FGFBP3: variants seen among roughly 807,000 people sequenced by gnomAD.
The protein encoded by FGFBP3 is fibroblast growth factor binding protein 3.
FGFBP3 carries 4 observed loss-of-function variants against 4.8 expected under a neutral mutation model. The ratio of observed to expected loss-of-function variants is 0.83; its 90% CI spans 0.41 to 1.90. The LOEUF (loss-of-function observed/expected upper bound fraction) is 1.90. Ranked by LOEUF, FGFBP3 falls within the 40% of genes most tolerant of loss-of-function variation. The probability of loss-of-function intolerance (pLI) is 0.03; values close to 1 mark genes in which losing one functional copy is unlikely to be tolerated. For missense variants in FGFBP3, 429 were observed against 397.4 expected (o/e 1.08, Z -0.68); for synonymous variants, 215 against 190.0 (o/e 1.13, Z -1.08).
rs1269655381 is a variant in FGFBP3, at chr10:91,906,607, A to G, written c.*1586T>C. 7 of 152,322 alleles carry G rather than the reference A, an allele frequency of 4.6e-5. No homozygotes were observed. Among genetic ancestry groups the G allele is most frequent in the African/African-American group, 1.7e-4 (7 of 41,556 alleles). The allele number at this position is 152,322 out of a possible 1,614,324, so 9.4% of individuals were successfully genotyped here. A position where few individuals can be genotyped will look rare whatever the true frequency, so the allele number is the denominator to read the frequency against. ...CATATATACACACACACACATTTAT[A>G]TATATAATGGAAAAACATATATATA... On this transcript the variant is annotated 3_prime_UTR_variant, in exon 2 of 2. Transcript: ENST00000311575.
intron 1 of FGFBP3, 92 bp downstream of exon 1, chr10:91,909,306 T>C (rs1202693003): frequency 6.1e-6 from 2 of 327,538 alleles, no homozygotes; most frequent in African/African-American, 4.4e-5. Flanking sequence ...CCTTCCTTCA[T>C]TTTCTCCCTT....
In FGFBP3 at chr10:91,908,063, T is replaced by G. The variant is rs1284723762; in HGVS notation, c.*130A>C. The G allele has an allele frequency of 9.5e-7, 1 of 1,047,944 alleles. No homozygotes were observed. Among genetic ancestry groups the G allele is most frequent in the Non-Finnish European group, 1.3e-6 (1 of 748,900 alleles). The allele number at this position is 1,047,944 out of a possible 1,614,324, so 64.9% of individuals were successfully genotyped here. ...ATCCCAAGCATCTCACCCTTACCCTTGCCCCCACCCCCATTCGAGAACCTG... is the reference window on the plus strand; with the variant it reads ...ATCCCAAGCATCTCACCCTTACCCTGGCCCCCACCCCCATTCGAGAACCTG... On this transcript the variant is annotated 3_prime_UTR_variant, in exon 2 of 2. Coordinates refer to ENST00000311575, the MANE Select transcript of FGFBP3 (RefSeq NM_152429.5).
Position 91,908,878 on chromosome 10 carries a change from C to G in FGFBP3, c.92G>C (p.Gly31Ala). Residue 31 changes from glycine to alanine, a missense_variant, in exon 2 of 2, where the codon GGG becomes GCG. Transcript: ENST00000311575. ...CLLAAARREK[G>A]AASNVAEPVP... is the part of the protein sequence containing the mutation. ...CGGCTCCGCCACGTTGCTAGCCGCC[C>G]CTTTCTCCCTCCGAGCAGCCGCGAG... 1 of 1,586,068 alleles carries G rather than the reference C, an allele frequency of 6.3e-7. No homozygotes were observed. The highest frequency in any genetic ancestry group is 8.5e-7 in the Non-Finnish European group (1 of 1,171,422).
Position 91,908,754 on chromosome 10 carries a change from C to T in FGFBP3, c.216G>A (p.Ala72=), listed in dbSNP as rs995451670. The T allele has an allele frequency of 4.0e-5, 56 of 1,389,586 alleles. No individual in the cohort carries two copies. In the Admixed American group the frequency reaches 1.4e-3, roughly 34 times the overall value. The allele number at this position is 1,389,586 out of a possible 1,614,324, so 86.1% of individuals were successfully genotyped here. A position where few individuals can be genotyped will look rare whatever the true frequency, so the allele number is the denominator to read the frequency against. The part of the protein sequence containing the change: ...QLLLPAPEAA[A]GSELALRCQS... Reference sequence around the variant, plus strand: ...GGCAGCGCAGCGCCAGCTCGCTGCCCGCTGCGGCCTCCGGGGCGGGCAGCA... The same window carrying T: ...GGCAGCGCAGCGCCAGCTCGCTGCCTGCTGCGGCCTCCGGGGCGGGCAGCA... Residue 72 remains alanine (A), a synonymous_variant, in exon 2 of 2, where the codon GCG becomes GCA. Coordinates refer to ENST00000311575, the MANE Select transcript of FGFBP3 (RefSeq NM_152429.5).
Position 91,907,935 on chromosome 10 carries a change from T to C in FGFBP3, c.*258A>G. On this transcript the variant is annotated 3_prime_UTR_variant, in exon 2 of 2. Coordinates refer to ENST00000311575, the MANE Select transcript of FGFBP3 (RefSeq NM_152429.5). ...TTTTTGCACATTTAAAGTACGCCTATTTCTGTTTCCATTATTTTTCCTGCT... is the reference window on the plus strand; with the variant it reads ...TTTTTGCACATTTAAAGTACGCCTACTTCTGTTTCCATTATTTTTCCTGCT... The C allele has an allele frequency of 2.2e-6, 1 of 452,004 alleles. No homozygotes were observed. The allele number at this position is 452,004 out of a possible 1,614,324, so 28.0% of individuals were successfully genotyped here.
rs1843306346 is a variant in FGFBP3, at chr10:91,907,294, T to C, written c.*899A>G. ...GGAATGTCGAGGCCGCAGTGAGCCA[T>C]AATTGCACCACTGCTCCAGTCTGGA... On this transcript the variant is annotated 3_prime_UTR_variant, in exon 2 of 2. Transcript: ENST00000311575. The C allele has an allele frequency of 6.6e-6, 1 of 152,168 alleles. No homozygotes were observed. The highest frequency in any genetic ancestry group is 2.4e-5 in the African/African-American group (1 of 41,414). The allele number at this position is 152,168 out of a possible 1,614,324, so 9.4% of individuals were successfully genotyped here. A position where few individuals can be genotyped will look rare whatever the true frequency, so the allele number is the denominator to read the frequency against.
At chr10:91,909,298 T>C in intron 1 of FGFBP3, 100 bp downstream of exon 1, 1 of 342,862 alleles carries the variant, frequency 2.9e-6, no homozygotes. Flanking sequence ...CCTCTACCCC[T>C]TCCTTCATTT....
In FGFBP3 at chr10:91,908,429, A is replaced by T. The variant is rs1308400163; in HGVS notation, c.541T>A (p.Ser181Thr). 4 of 1,506,652 alleles carry T rather than the reference A, an allele frequency of 2.7e-6. No individual in the cohort carries two copies. The highest frequency in any genetic ancestry group is 5.2e-5 in the Admixed American group (2 of 38,298). 93.3% of individuals were successfully genotyped at this position (1,506,652 alleles called of 1,614,324 possible). A position where few individuals can be genotyped will look rare whatever the true frequency, so the allele number is the denominator to read the frequency against. Residue 181 changes from serine to threonine, a missense_variant, in exon 2 of 2, where the codon TCC (serine) becomes ACC (threonine). Transcript: ENST00000311575. ...RNRGRTRERA[S>T]GPAAGTPPPQ... ...GGCGGGGTCCCAGCGGCTGGGCCGG[A>T]CGCACGCTCCCGGGTCCGCCCCCGG...
chr10:91,907,796 T>TA lies in FGFBP3; in HGVS notation c.*396dup, dbSNP rs1428027927. ...TCATGGCTGCATTTAATAGAAATGT[T>TA]AAACAATAAACATTGCATCCCCCTC... On this transcript the variant is annotated 3_prime_UTR_variant, in exon 2 of 2. Transcript: ENST00000311575. 1 of 172,704 alleles carries TA rather than the reference T, an allele frequency of 5.8e-6. No individual in the cohort carries two copies. The highest frequency in any genetic ancestry group is 2.4e-5 in the African/African-American group (1 of 41,950). 10.7% of individuals were successfully genotyped at this position (172,704 alleles called of 1,614,324 possible).
rs1160962860 is a variant in FGFBP3, at chr10:91,906,640, C to G, written c.*1553G>C. 1 of 152,156 alleles carries G rather than the reference C, an allele frequency of 6.6e-6. No individual in the cohort carries two copies. The highest frequency in any genetic ancestry group is 1.5e-5 in the Non-Finnish European group (1 of 68,038). The allele number at this position is 152,156 out of a possible 1,614,324, so 9.4% of individuals were successfully genotyped here. A position where few individuals can be genotyped will look rare whatever the true frequency, so the allele number is the denominator to read the frequency against. On this transcript the variant is annotated 3_prime_UTR_variant, in exon 2 of 2. Coordinates refer to ENST00000311575, the MANE Select transcript of FGFBP3 (RefSeq NM_152429.5). Reference sequence around the variant, plus strand: ...TGGAAAAACATATATATAGTTGCCCCTCCACATCCGTGGGCTCTGCATCCA... The same window carrying G: ...TGGAAAAACATATATATAGTTGCCCGTCCACATCCGTGGGCTCTGCATCCA...
chr10:91,908,449 C>A lies in FGFBP3; in HGVS notation c.521G>T (p.Gly174Val). Residue 174 changes from glycine (G) to valine (V), a missense_variant, in exon 2 of 2, where the codon GGG becomes GTG. By Grantham distance (109) the Gly-to-Val change is moderately radical. Transcript: ENST00000311575. ...GESKPRARNRGRTRERASGPA... is the reference protein window; with the variant it reads ...GESKPRARNRVRTRERASGPA... ...GCCGGACGCACGCTCCCGGGTCCGC[C>A]CCCGGTTCCGGGCCCGGGGCTTGGA... 1 of 1,474,470 alleles carries A rather than the reference C, an allele frequency of 6.8e-7. No homozygotes were observed. Among genetic ancestry groups the A allele is most frequent in the Non-Finnish European group, 8.9e-7 (1 of 1,119,382 alleles). 91.3% of individuals were successfully genotyped at this position (1,474,470 alleles called of 1,614,324 possible). A position where few individuals can be genotyped will look rare whatever the true frequency, so the allele number is the denominator to read the frequency against.
rs1417892213 is a variant in FGFBP3, at chr10:91,908,669, CT to C, written c.300del (p.Ala101ProfsTer47). 1 of 1,429,976 alleles carries C rather than the reference CT, an allele frequency of 7.0e-7. No homozygotes were observed. Among genetic ancestry groups the C allele is most frequent in the South Asian group, 1.4e-5 (1 of 70,384 alleles). The allele number at this position is 1,429,976 out of a possible 1,614,324, so 88.6% of individuals were successfully genotyped here. ...AAGTGCGCGCGGCGAGCGGCGTAGG[CT>C]GCGCAGCGCTCCGGATGCCCGCGGT... is the stretch of plus-strand genomic sequence containing the variant. The part of the protein sequence containing the change: ...CAYRGHPERC[A>X]AYAARRAHFW... On this transcript the variant is annotated frameshift_variant, in exon 2 of 2. Coordinates refer to ENST00000311575, the MANE Select transcript of FGFBP3 (RefSeq NM_152429.5). LOFTEE classifies it low-confidence loss of function (END_TRUNC).
intron 1 of FGFBP3, 53 bp downstream of exon 1, chr10:91,909,345 A>C: frequency 2.2e-5 from 5 of 232,348 alleles, no homozygotes; most frequent in Admixed American, 6.2e-5. Flanking sequence ...TATCTACAAA[A>C]TCATTTCAGA....
chr10:91,908,064 G>GC lies in FGFBP3; in HGVS notation c.*128dup, dbSNP rs1448624611. 9.9e-7 allele frequency: 1 copy of GC among 1,014,840 alleles called. No homozygotes were observed. Among genetic ancestry groups the GC allele is most frequent in the Non-Finnish European group, 1.4e-6 (1 of 723,858 alleles). The allele number at this position is 1,014,840 out of a possible 1,614,324, so 62.9% of individuals were successfully genotyped here. On this transcript the variant is annotated 3_prime_UTR_variant, in exon 2 of 2. Coordinates refer to ENST00000311575, the MANE Select transcript of FGFBP3 (RefSeq NM_152429.5). ...TCCCAAGCATCTCACCCTTACCCTTGCCCCCACCCCCATTCGAGAACCTGG... is the reference window on the plus strand; with the variant it reads ...TCCCAAGCATCTCACCCTTACCCTTGCCCCCCACCCCCATTCGAGAACCTGG...
In FGFBP3 at chr10:91,908,116, C is replaced by A; in HGVS notation, c.*77G>T. Reference sequence around the variant, plus strand: ...CTTCTCCCCAATCTCTATCACAGTACCCCCCGGTCTAAGACGCCCTTAGCT... The same window carrying A: ...CTTCTCCCCAATCTCTATCACAGTAACCCCCGGTCTAAGACGCCCTTAGCT... On this transcript the variant is annotated 3_prime_UTR_variant, in exon 2 of 2. Coordinates refer to ENST00000311575, the MANE Select transcript of FGFBP3 (RefSeq NM_152429.5). 1.4e-6 allele frequency: 2 copies of A among 1,471,070 alleles called. No homozygotes were observed. Among genetic ancestry groups the A allele is most frequent in the Non-Finnish European group, 1.8e-6 (2 of 1,100,314 alleles). 91.1% of individuals were successfully genotyped at this position (1,471,070 alleles called of 1,614,324 possible).
In FGFBP3 at chr10:91,908,194, CA is replaced by C. The variant is rs1406073270; in HGVS notation, c.775del (p.Ter259GlufsTer10). The C allele has an allele frequency of 2.5e-6, 4 of 1,595,910 alleles. No homozygotes were observed. Among genetic ancestry groups the C allele is most frequent in the Non-Finnish European group, 3.4e-6 (4 of 1,171,932 alleles). Reference sequence around the variant, plus strand: ...CCCTCCCTAAGCCGGCAGGCAGTCTCAGCCGTTCCAGAAATTGACAAAGAAG... The same window carrying C: ...CCCTCCCTAAGCCGGCAGGCAGTCTCGCCGTTCCAGAAATTGACAAAGAAG... ...CNFFVNFWNG* is the reference protein window; with the variant it reads ...CNFFVNFWNGX On this transcript the variant is annotated frameshift_variant and stop_lost, in exon 2 of 2. Coordinates refer to ENST00000311575, the MANE Select transcript of FGFBP3 (RefSeq NM_152429.5). LOFTEE classifies it high-confidence loss of function.
In FGFBP3 at chr10:91,908,890, C is replaced by G. The variant is rs536091981; in HGVS notation, c.80G>C (p.Arg27Pro). ...LLSGCLLAAA[R>P]REKGAASNVA... ...GTTGCTAGCCGCCCCTTTCTCCCTC[C>G]GAGCAGCCGCGAGGAGGCAACCACT... Residue 27 changes from arginine (R) to proline (P), a missense_variant, in exon 2 of 2, where the codon CGG becomes CCG. Arg to Pro is a moderately radical substitution (Grantham distance 103). Transcript: ENST00000311575. The G allele has an allele frequency of 6.3e-7, 1 of 1,593,920 alleles. No individual in the cohort carries two copies.
chr10:91,908,005 A>G lies in FGFBP3; in HGVS notation c.*188T>C, dbSNP rs1843311925. ...TTTCAAAATTTTTAACTTCTCTGCT[A>G]TCCCAGAGATTCTCCATACCCCTTA... On this transcript the variant is annotated 3_prime_UTR_variant, in exon 2 of 2. Coordinates refer to ENST00000311575, the MANE Select transcript of FGFBP3 (RefSeq NM_152429.5). 1 of 614,496 alleles carries G rather than the reference A, an allele frequency of 1.6e-6. No homozygotes were observed. Among genetic ancestry groups the G allele is most frequent in the East Asian group, 3.5e-5 (1 of 28,976 alleles). 38.1% of individuals were successfully genotyped at this position (614,496 alleles called of 1,614,324 possible).
In FGFBP3 at chr10:91,907,536, G is replaced by GA. The variant is rs543725720; in HGVS notation, c.*656dup. On this transcript the variant is annotated 3_prime_UTR_variant, in exon 2 of 2. Coordinates refer to ENST00000311575, the MANE Select transcript of FGFBP3 (RefSeq NM_152429.5). ...CCTGGGCAAGCCAGACCCTGTCAGG[G>GA]AAAAAAAAAAAAAAAGGTAGCTCTT... 0.078 allele frequency: 9,539 copies of GA among 122,514 alleles called. 387 individuals carry two copies. Among genetic ancestry groups the GA allele is most frequent in the East Asian group, 0.19 (848 of 4,374 alleles). 7.6% of individuals were successfully genotyped at this position (122,514 alleles called of 1,614,324 possible). A position where few individuals can be genotyped will look rare whatever the true frequency, so the allele number is the denominator to read the frequency against.
Sources: allele counts gnomAD v4.1 joint callset, GRCh38; gene constraint gnomAD v4.1.1; transcripts MANE v1.5; gene names NCBI Gene and HGNC (gene_info 2026-07-23, HGNC 2026-07-21).